Variants in ACP1 observed in about 807,000 individuals in gnomAD.
The protein encoded by ACP1 is low molecular weight phosphotyrosine protein phosphatase.
A neutral mutation model predicts 23.4 loss-of-function variants in ACP1; 23 were observed. The observed-to-expected ratio is 0.98, with a 90% CI of 0.71 to 1.39. The LOEUF (loss-of-function observed/expected upper bound fraction) is 1.39, where lower values mean the gene tolerates loss of function less well. Ranked by LOEUF, ACP1 falls within the 40% of genes most tolerant of loss-of-function variation. The pLI, the probability that ACP1 is intolerant of heterozygous loss-of-function variation, is 0.00. For missense variants in ACP1, 180 were observed against 197.7 expected, an observed-to-expected ratio of 0.91 and a Z score of 0.54; for synonymous variants, 72 against 67.2, an observed-to-expected ratio of 1.07 and a Z score of -0.35.
In ACP1 at chr2:267,927, T is replaced by C. The variant is rs936835590; in HGVS notation, c.43+2920T>C. 2.0e-5 allele frequency among the ~76,000 whole-genome samples: 3 copies of C among 152,356 alleles called. No homozygotes were observed. In the South Asian group the frequency reaches 6.2e-4, roughly 32 times the overall value. ...CATCAGAATTGGATGGAACTCTGTATAATTTTCACATGTCACAAGGTACTC... is the reference window on the plus strand; with the variant it reads ...CATCAGAATTGGATGGAACTCTGTACAATTTTCACATGTCACAAGGTACTC... On this transcript the variant is annotated intron_variant, in intron 1 of 5. Coordinates refer to ENST00000272065, the MANE Select transcript of ACP1 (RefSeq NM_004300.4).
In ACP1 at chr2:275,173, A is replaced by T; in HGVS notation, c.265A>T (p.Ile89Leu). Reference sequence around the variant, plus strand: ...AGAAGATTTTGCCACATTTGATTATATACTATGTATGGATGAAAGCAATCT... The same window carrying T: ...AGAAGATTTTGCCACATTTGATTATTTACTATGTATGGATGAAAGCAATCT... The part of the protein sequence containing the change: ...TKEDFATFDY[I>L]LCMDESNLRD... Residue 89 changes from isoleucine to leucine, a missense_variant, in exon 4 of 6, where the codon ATA becomes TTA. Coordinates refer to ENST00000272065, the MANE Select transcript of ACP1 (RefSeq NM_004300.4). 6.5e-7 allele frequency: 1 copy of T among 1,544,750 alleles called. No individual in the cohort carries two copies. The highest frequency in any genetic ancestry group is 8.9e-7 in the Non-Finnish European group (1 of 1,129,088).
intron 4 of ACP1, 70 bp from the exon 5 acceptor site, chr2:276,910 C>A: frequency 1.1e-6 from 1 of 914,564 alleles, no homozygotes; most frequent in Non-Finnish European, 1.7e-6. Context: ...TTTCAGAACA[C>A]CCTAGCAGAT....
At chr2:271,522 A>C (rs896817815) in intron 1 of ACP1, among the ~76,000 whole-genome samples, 9 of 152,208 alleles carry the variant, frequency 5.9e-5, no homozygotes, top group Non-Finnish European at 8.8e-5. Flanking sequence ...ATTTTAAAAT[A>C]AGCTGGTTGC....
rs1178572888 is a variant in ACP1 at position 271,206 on chromosome 2, TG to T, written c.44-659del. Reference sequence around the variant, plus strand: ...TTGTGAAACAGTAGTCATCCTTATGTGTGATATACTTGAAAATACATACAGT... The same window carrying T: ...TTGTGAAACAGTAGTCATCCTTATGTTGATATACTTGAAAATACATACAGT... On this transcript the variant is annotated intron_variant, in intron 1 of 5. Transcript: ENST00000272065. 5.2e-3 allele frequency among the ~76,000 whole-genome samples: 799 copies of T among 152,330 alleles called. 8 individuals carry two copies. The highest frequency in any genetic ancestry group is 0.018 in the African/African-American group (760 of 41,570).
chr2:272,335 T>C (rs1298727312), intron 3 of ACP1, 185 bp downstream of exon 3: 3 of 1,596,236 alleles, frequency 1.9e-6, no homozygotes, highest in Admixed American at 3.5e-5. Flanking sequence ...ATTTCTAATA[T>C]ATAGAGTCCA....
At chr2:265,128 G>A (rs1669818887) in intron 1 of ACP1, 121 bp downstream of exon 1, 1 of 1,244,162 alleles carries the variant, frequency 8.0e-7, no homozygotes, top group African/African-American at 1.5e-5. Flanking sequence ...GGGACTGGGA[G>A]GCCTAGGGTG....
chr2:275,287 A>G, intron 4 of ACP1, 86 bp downstream of exon 4: 1 of 760,696 alleles, frequency 1.3e-6, no homozygotes, highest in South Asian at 2.6e-5. Flanking sequence ...TACTTTTTCT[A>G]TTTTAAAGGT....
chr2:265,291 C>A, intron 1 of ACP1: 1 of 407,896 alleles, frequency 2.5e-6, no homozygotes, highest in Non-Finnish European at 4.4e-6. Context: ...ACTTTCTTTG[C>A]GACTACTAGA....
intron 4 of ACP1, among the ~76,000 whole-genome samples, chr2:276,489 C>T (rs1278442726): frequency 6.6e-6 from 1 of 152,118 alleles, no homozygotes; most frequent in African/African-American, 2.4e-5. Flanking sequence ...AATGTGAAAG[C>T]TAAGGGTGGA....
intron 4 of ACP1, among the ~76,000 whole-genome samples, chr2:276,322 T>G (rs140841682): frequency 3.9e-5 from 6 of 152,354 alleles, no homozygotes; most frequent in African/African-American, 1.4e-4. Context: ...CTGCACCTAA[T>G]CCTGAGCTGT....
At chr2:272,313 A>G (rs776774189) in intron 3 of ACP1, 163 bp downstream of exon 3, 27 of 1,610,394 alleles carry the variant, frequency 1.7e-5, no homozygotes, top group Non-Finnish European at 2.0e-5. Flanking sequence ...CAGGTAGACA[A>G]GCTCTTGTTC....
At chr2:271,747 C>A in intron 1 of ACP1, 119 bp from the exon 2 acceptor site, 1 of 811,538 alleles carries the variant, frequency 1.2e-6, no homozygotes. Flanking sequence ...TAGTGTTGGC[C>A]TTTGTTTTTC....
intron 3 of ACP1, 195 bp downstream of exon 3, chr2:272,345 A>G (rs375813473): frequency 1.9e-6 from 3 of 1,583,318 alleles, no homozygotes; most frequent in Middle Eastern, 3.5e-4. Context: ...TATAGAGTCC[A>G]GTAACTTGAG....
chr2:271,929 TC>T lies in ACP1; in HGVS notation c.108del (p.Ser37GlnfsTer6). 6.2e-7 allele frequency: 1 copy of T among 1,611,598 alleles called. No homozygotes were observed. Among genetic ancestry groups the T allele is most frequent in the Non-Finnish European group, 8.5e-7 (1 of 1,179,118 alleles). ...VFRKLVTDQN[I>X]SENWRVDSAA... ...AGGAAACTTGTAACCGATCAAAACA[TC>T]TCAGAGAATGTAAGTACCATTCATT... On this transcript the variant is annotated frameshift_variant, in exon 2 of 6. Transcript: ENST00000272065. LOFTEE classifies it high-confidence loss of function.
rs776854938 is a variant in ACP1, at chr2:272,129, C to T, written c.210C>T (p.Pro70=). 3 of 1,614,220 alleles carry T rather than the reference C, an allele frequency of 1.9e-6. No individual in the cohort carries two copies. Among genetic ancestry groups the T allele is most frequent in the Admixed American group, 1.7e-5 (1 of 60,028 alleles). The change falls in exon 3 of 6, where the codon CCC becomes CCT. Residue 70 remains proline, a synonymous_variant. Coordinates refer to ENST00000272065, the MANE Select transcript of ACP1 (RefSeq NM_004300.4). ...GQSCMKRHGI[P]MSHVARQITK... ...GCTGCATGAAGAGGCACGGCATTCC[C>T]ATGAGCCACGTTGCCCGGCAGGTAC...
Position 278,040 on chromosome 2 carries a change from G to C in ACP1, c.*736G>C, listed in dbSNP as rs1558265823. 1 of 152,136 alleles carries C rather than the reference G, an allele frequency of 6.6e-6. No individual in the cohort carries two copies. The highest frequency in any genetic ancestry group is 1.5e-5 in the Non-Finnish European group (1 of 68,022). 9.4% of individuals were successfully genotyped at this position (152,136 alleles called of 1,614,324 possible). ...CTATGGTCAGTTGAGGAATATGACT[G>C]TTTTTATATGCACATGTAACCCAAA... On this transcript the variant is annotated 3_prime_UTR_variant, in exon 6 of 6. Transcript: ENST00000272065.
At chr2:265,134 G>C (rs1039011385) in intron 1 of ACP1, 127 bp downstream of exon 1, 2 of 1,164,530 alleles carry the variant, frequency 1.7e-6, no homozygotes, top group African/African-American at 3.2e-5. Context: ...GGGAGGCCTA[G>C]GGTGTTCTAG....
At chr2:270,499 A>G (rs1444792656) in intron 1 of ACP1, among the ~76,000 whole-genome samples, 3 of 152,074 alleles carry the variant, frequency 2.0e-5, no homozygotes, top group African/African-American at 7.2e-5. Context: ...TTTTTCTGGT[A>G]AGAAATTTTC....
chr2:264,947 G>C lies in ACP1; in HGVS notation c.-18G>C, dbSNP rs1206314302. On this transcript the variant is annotated 5_prime_UTR_variant, in exon 1 of 6. Transcript: ENST00000272065. ...GTGCGGAACGCCGCGGTGTCTCGGC[G>C]CCTCTGCGCGCGGGAAGATGGCGGA... The C allele has an allele frequency of 2.5e-6, 4 of 1,611,564 alleles. No individual in the cohort carries two copies. The highest frequency in any genetic ancestry group is 2.2e-5 in the East Asian group (1 of 44,682).
Sources: gnomAD v4.1 joint callset for allele counts (sites outside exome capture counted in the v4.1 genomes callset) on GRCh38, gnomAD v4.1.1 for gene constraint, MANE v1.5 for transcripts, NCBI Gene and HGNC (gene_info 2026-07-23, HGNC 2026-07-21) for gene names.